The following PDE4DIP variants were observed in gnomAD, a reference collection of about 807,000 sequenced individuals.
The protein encoded by PDE4DIP is myomegalin.
PDE4DIP carries 59 observed loss-of-function variants against 221.4 expected under a neutral mutation model. The ratio of observed to expected loss-of-function variants is 0.27; its 90% CI spans 0.22 to 0.33. PDE4DIP has a LOEUF of 0.33. PDE4DIP is among the 10% of genes least tolerant of loss of function. The pLI, the probability that PDE4DIP is intolerant of heterozygous loss-of-function variation, is 1.00. For synonymous variants in PDE4DIP, 404 were observed against 815.9 expected, an observed-to-expected ratio of 0.50 and a Z score of 8.60; for missense variants, 1,036 against 2,154.2, an observed-to-expected ratio of 0.48 and a Z score of 10.28.
intron 9 of PDE4DIP, among the ~76,000 whole-genome samples, chr1:148,964,110 T>A (rs1485779838): frequency 7.7e-6 from 1 of 129,566 alleles, no homozygotes; most frequent in Non-Finnish European, 1.6e-5. Context: ...TTTCTTTCTT[T>A]CATTTTTTTT....
chr1:148,813,713 C>T (rs12021873), intron 1 of PDE4DIP, among the ~76,000 whole-genome samples: 565 of 97,128 alleles, frequency 5.8e-3, no homozygotes, highest in African/African-American at 0.016. Context: ...ACATTTAGGC[C>T]TATGATCCAT....
intron 1 of PDE4DIP, among the ~76,000 whole-genome samples, chr1:148,829,017 AAC>A (rs5777522): frequency 0.45 from 63,699 of 140,912 alleles, 10,846 homozygotes; most frequent in East Asian, 0.61. Flanking sequence ...TTCCTGCATA[AAC>A]ACACACACAC....
intron 5 of PDE4DIP, chr1:148,953,435 C>T (rs2054173895): frequency 6.2e-7 from 1 of 1,614,094 alleles, no homozygotes; most frequent in South Asian, 1.1e-5. Context: ...GGTTGGGCCA[C>T]CCGACTTAGC....
At chr1:148,929,453 G>A in intron 2 of PDE4DIP, 180 bp downstream of exon 5, 1 of 837,500 alleles carries the variant, frequency 1.2e-6, no homozygotes, top group Non-Finnish European at 1.8e-6. Flanking sequence ...TCTATTACTA[G>A]GTCAGATGGA....
At chr1:148,953,122 G>C (rs782006118) in intron 5 of PDE4DIP, 1 of 1,614,054 alleles carries the variant, frequency 6.2e-7, no homozygotes, top group Non-Finnish European at 8.5e-7. Flanking sequence ...GGAATGGGAC[G>C]GTTGACATGT....
intron 1 of PDE4DIP, among the ~76,000 whole-genome samples, chr1:148,820,555 C>CAAAAA (rs148261220): frequency 7.1e-4 from 28 of 39,332 alleles, no homozygotes; most frequent in African/African-American, 1.5e-3. Context: ...AACTCCATCT[C>CAAAAA]AAAAAAAAAA....
chr1:148,917,016 C>T, intron 1 of PDE4DIP, among the ~76,000 whole-genome samples: 2 of 146,316 alleles, frequency 1.4e-5, no homozygotes, highest in South Asian at 4.5e-4. Flanking sequence ...GGGGGCCTGC[C>T]CTTTGCTAAA....
intron 24 of PDE4DIP, 120 bp from the exon 28 acceptor site, chr1:149,002,724 CCAAATG>C (rs1553581127): frequency 2.6e-6 from 1 of 390,346 alleles, no homozygotes; most frequent in African/African-American, 2.1e-5. Context: ...CAAGTCACTG[CCAAATG>C]GCATGAGAAG....
intron 4 of PDE4DIP, among the ~76,000 whole-genome samples, chr1:148,934,075 G>A (rs1264479065): frequency 1.4e-5 from 2 of 146,872 alleles, no homozygotes; most frequent in African/African-American, 5.1e-5. Context: ...GCTATGGCAA[G>A]TCTCCAGAAT....
chr1:148,986,929 ATC>A (rs2062013426), intron 21 of PDE4DIP, among the ~76,000 whole-genome samples: 1 of 152,210 alleles, frequency 6.6e-6, no homozygotes, highest in Non-Finnish European at 1.5e-5. Context: ...CAGTGGTCAT[ATC>A]TCCTGGTCTG....
intron 1 of PDE4DIP, among the ~76,000 whole-genome samples, chr1:148,918,622 T>TACACACACACAC (rs57116412): frequency 1.1e-5 from 1 of 92,274 alleles, no homozygotes. Flanking sequence ...TCTCTCTCTC[T>TACACACACACAC]ACACACACAC....
chr1:149,018,167 A>C (rs1553613855), intron 34 of PDE4DIP, among the ~76,000 whole-genome samples: 1 of 151,920 alleles, frequency 6.6e-6, no homozygotes, highest in African/African-American at 2.4e-5. Flanking sequence ...TGGTGGAACC[A>C]GGTCTGTAAG....
rs1390512119 is a variant in PDE4DIP, at chr1:148,952,317, C to G, written c.637-8337C>G. The G allele has an allele frequency of 1.7e-5, 17 of 1,009,244 alleles. No individual in the cohort carries two copies. In the Admixed American group the frequency reaches 9.5e-4, roughly 56 times the overall value. 62.5% of individuals were successfully genotyped at this position (1,009,244 alleles called of 1,614,324 possible). ...AAGCCCGCTGACCGGACTACAGCTC[C>G]CAGAAGAGCCTTGTGGAGGCCGCAG... On this transcript the variant is annotated intron_variant, in intron 5 of 43. Coordinates refer to ENST00000369354, the Ensembl canonical transcript of PDE4DIP.
At chr1:148,857,523 C>A (rs137972277) in intron 1 of PDE4DIP, among the ~76,000 whole-genome samples, 4 of 27,680 alleles carry the variant, frequency 1.4e-4, no homozygotes, top group Non-Finnish European at 2.3e-4. Context: ...CGCCCGCCAC[C>A]GCGCCCGGCT....
chr1:148,998,767 C>CG (rs1553570398), intron 23 of PDE4DIP, among the ~76,000 whole-genome samples: 1 of 148,652 alleles, frequency 6.7e-6, no homozygotes, highest in African/African-American at 2.5e-5. Context: ...GATAGAATCT[C>CG]GCTCTGTCGC....
intron 1 of PDE4DIP, among the ~76,000 whole-genome samples, chr1:148,891,894 G>A (rs1189874113): frequency 2.3e-5 from 1 of 44,152 alleles, no homozygotes; most frequent in African/African-American, 1.2e-4. Flanking sequence ...GTTAGGGTAG[G>A]AATAGTGGAT....
At chr1:149,003,102 T>TAGAACATACA in intron 25 of PDE4DIP, 60 bp downstream of exon 28, 1 of 1,024,552 alleles carries the variant, frequency 9.8e-7, no homozygotes, top group Non-Finnish European at 1.5e-6. Flanking sequence ...AAGTTCTGTA[T>TAGAACATACA]GTTCTATACC....
chr1:148,828,903 G>A (rs1348784123), intron 1 of PDE4DIP, among the ~76,000 whole-genome samples: 2 of 150,980 alleles, frequency 1.3e-5, no homozygotes, highest in East Asian at 1.9e-4. Flanking sequence ...ACACACACAC[G>A]GTTCACAGTA....
intron 1 of PDE4DIP, among the ~76,000 whole-genome samples, chr1:148,927,549 A>G (rs652554): frequency 2.4e-4 from 36 of 147,434 alleles, no homozygotes; most frequent in East Asian, 1.2e-3. Context: ...CTGCTATTGT[A>G]TGTTGCCTTG....
Sources: gnomAD v4.1 joint callset for allele counts (sites outside exome capture counted in the v4.1 genomes callset) on GRCh38, gnomAD v4.1.1 for gene constraint, MANE v1.5 for transcripts, NCBI Gene and HGNC (gene_info 2026-07-23, HGNC 2026-07-21) for gene names.